CNTN4: variants seen among roughly 807,000 people sequenced by gnomAD.
CNTN4 encodes contactin 4, also known as contactin-4.
Under a neutral mutation model 122.5 loss-of-function variants are expected in CNTN4, and 77 were observed. The observed-to-expected ratio is 0.63, with a 90% confidence interval of 0.52 to 0.76. CNTN4 has a LOEUF of 0.76. Ranked by LOEUF, CNTN4 falls within the 30% of genes least tolerant of loss-of-function variation. The pLI is 0.00. For synonymous variants in CNTN4, 512 were observed against 447.0 expected (o/e 1.15, Z -1.83); for missense variants, 1,256 against 1,259.1 (o/e 1.00, Z 0.04).
intron 6 of CNTN4, among the ~76,000 whole-genome samples, chr3:2,760,379 G>T (rs531641487): frequency 1.3e-5 from 2 of 152,160 alleles, no homozygotes; most frequent in Admixed American, 1.3e-4. Context: ...TCAAAAGAAT[G>T]ATTTTTTTTT....
intron 2 of CNTN4, among the ~76,000 whole-genome samples, chr3:2,198,579 A>C (rs1056203935): frequency 6.6e-6 from 1 of 152,180 alleles, no homozygotes; most frequent in Non-Finnish European, 1.5e-5. Flanking sequence ...CAAATTTATA[A>C]ATAACTTTGG....
At position 2,385,122 on chromosome 3, in the gene CNTN4, A is replaced by C. The variant is rs759261077; in HGVS notation, c.-89+45889A>C. Among the ~76,000 whole-genome samples the C allele has an allele frequency of 2.0e-5, 3 of 152,200 alleles. No individual in the cohort carries two copies. The highest frequency in any genetic ancestry group is 2.9e-5 in the Non-Finnish European group (2 of 68,036). On this transcript the variant is annotated intron_variant, in intron 3 of 24. Transcript: ENST00000418658. This position sits in a 1 kb window ranked among gnomAD's most constrained non-coding sequence, Gnocchi z 4.0. The stretch of plus-strand genomic sequence containing the variant: ...GCTGATATCAGAGTGACCTGTTAAA[A>C]GTATAAACATATCATTTTCTACTTT...
chr3:2,922,229 G>A (rs185471015), intron 12 of CNTN4, among the ~76,000 whole-genome samples: 7 of 152,214 alleles, frequency 4.6e-5, no homozygotes, highest in Non-Finnish European at 1.0e-4. Context: ...GCCAGCGAAG[G>A]TTAGATTCTA....
At chr3:2,981,969 T>A (rs1694067300) in intron 13 of CNTN4, among the ~76,000 whole-genome samples, 1 of 152,056 alleles carries the variant, frequency 6.6e-6, no homozygotes, top group South Asian at 2.1e-4. Context: ...ACCCAGGAGT[T>A]GGAAGTTGCA....
intron 4 of CNTN4, among the ~76,000 whole-genome samples, chr3:2,661,959 G>C (rs1015509948): frequency 6.6e-6 from 1 of 151,848 alleles, no homozygotes; most frequent in African/African-American, 2.4e-5. Flanking sequence ...GCCACCTTTT[G>C]TTAAAAAATT....
At chr3:2,445,420 G>A (rs1559558782) in intron 3 of CNTN4, among the ~76,000 whole-genome samples, 1 of 152,174 alleles carries the variant, frequency 6.6e-6, no homozygotes. Context: ...CGAAGATAGA[G>A]GTGGAACCAA....
intron 6 of CNTN4, among the ~76,000 whole-genome samples, chr3:2,751,460 T>C (rs935555039): frequency 6.6e-6 from 1 of 152,200 alleles, no homozygotes; most frequent in African/African-American, 2.4e-5. Context: ...CCTTTGAGCT[T>C]AAGCATACCT....
chr3:2,919,266 C>G (rs1317210685), intron 12 of CNTN4, among the ~76,000 whole-genome samples: 1 of 149,088 alleles, frequency 6.7e-6, no homozygotes, highest in African/African-American at 2.5e-5. Context: ...GCAGGAGAAT[C>G]ACTTGAACCC....
chr3:2,340,629 G>C (rs560475644), intron 3 of CNTN4, among the ~76,000 whole-genome samples: 1 of 146,308 alleles, frequency 6.8e-6, no homozygotes, highest in South Asian at 2.2e-4. Flanking sequence ...GCAACGAGTT[G>C]TTATTGCACC....
At chr3:2,645,932 C>A (rs114686816) in intron 4 of CNTN4, among the ~76,000 whole-genome samples, 7 of 152,168 alleles carry the variant, frequency 4.6e-5, no homozygotes, top group African/African-American at 1.7e-4. Flanking sequence ...TATATTTATT[C>A]TTCAACTGTA....
intron 2 of CNTN4, among the ~76,000 whole-genome samples, chr3:2,200,855 A>G (rs1349211608): frequency 6.6e-6 from 1 of 152,202 alleles, no homozygotes; most frequent in Admixed American, 6.5e-5. Flanking sequence ...AGAAGCAGAG[A>G]AGAATTGAAA....
At chr3:2,546,025 A>G (rs367721728) in intron 3 of CNTN4, among the ~76,000 whole-genome samples, 1 of 152,238 alleles carries the variant, frequency 6.6e-6, no homozygotes, top group East Asian at 1.9e-4. Context: ...AACAGATGCT[A>G]GCAAGGTTGC....
intron 2 of CNTN4, among the ~76,000 whole-genome samples, chr3:2,207,614 C>T (rs908315645): frequency 2.0e-5 from 3 of 152,042 alleles, no homozygotes; most frequent in African/African-American, 7.2e-5. Flanking sequence ...GGTAAGGAAA[C>T]TGCAAAAAGA....
intron 3 of CNTN4, among the ~76,000 whole-genome samples, chr3:2,510,498 G>A (rs1077813): frequency 0.015 from 2,209 of 152,120 alleles, 52 homozygotes; most frequent in African/African-American, 0.047. Context: ...GCTGCTTTGC[G>A]TGTGGTGGAC....
chr3:2,535,766 A>G (rs1184151837), intron 3 of CNTN4, among the ~76,000 whole-genome samples: 1 of 152,178 alleles, frequency 6.6e-6, no homozygotes, highest in Non-Finnish European at 1.5e-5. Context: ...CATTTTAACA[A>G]GAAGAGAAAA....
At chr3:2,462,143 A>G (rs886665781) in intron 3 of CNTN4, among the ~76,000 whole-genome samples, 7 of 152,174 alleles carry the variant, frequency 4.6e-5, no homozygotes, top group African/African-American at 1.7e-4. Flanking sequence ...CAGTGTTATA[A>G]CCACCTTTCT....
chr3:2,505,674 T>G (rs1209782489), intron 3 of CNTN4, among the ~76,000 whole-genome samples: 1 of 152,214 alleles, frequency 6.6e-6, no homozygotes, highest in African/African-American at 2.4e-5. Context: ...TAATTTCATA[T>G]TCTCAGAATT....
intron 12 of CNTN4, among the ~76,000 whole-genome samples, chr3:2,916,443 G>A (rs1485271366): frequency 4.0e-5 from 6 of 149,574 alleles, no homozygotes; most frequent in African/African-American, 1.5e-4. Flanking sequence ...GTTTAACAAA[G>A]CACATCTTGC....
intron 3 of CNTN4, among the ~76,000 whole-genome samples, chr3:2,363,612 A>G (rs928611362): frequency 3.9e-5 from 6 of 152,222 alleles, no homozygotes; most frequent in East Asian, 1.9e-4. Flanking sequence ...AATTCCTGGG[A>G]GCTGCAGTTT....
Sources: allele counts gnomAD v4.1 joint callset (sites outside exome capture counted in the v4.1 genomes callset), GRCh38; gene constraint gnomAD v4.1.1; non-coding constraint Gnocchi (gnomAD v3.1); transcripts MANE v1.5; gene names NCBI Gene and HGNC (gene_info 2026-07-23, HGNC 2026-07-21).